EPHA6: variants seen among roughly 807,000 people sequenced by gnomAD.
EPHA6 encodes the protein ephrin type-A receptor 6.
A neutral mutation model predicts 112.0 loss-of-function variants in EPHA6; 50 were observed. The ratio of observed to expected loss-of-function variants is 0.45; its 90% confidence interval spans 0.36 to 0.56. The LOEUF is 0.56. Ranked by LOEUF, EPHA6 falls within the 20% of genes least tolerant of loss-of-function variation. EPHA6 has a pLI of 0.00. For missense variants in EPHA6, 1,280 were observed against 1,417.4 expected (o/e 0.90, Z 1.56); for synonymous variants, 529 against 490.7 (o/e 1.08, Z -1.03).
intron 3 of EPHA6, among the ~76,000 whole-genome samples, chr3:97,056,909 C>T (rs2045872211): frequency 6.6e-6 from 1 of 152,130 alleles, no homozygotes; most frequent in Non-Finnish European, 1.5e-5. Flanking sequence ...ACTGCTACTG[C>T]CACCACCACA....
At chr3:96,824,139 T>G (rs1218868875) in intron 1 of EPHA6, among the ~76,000 whole-genome samples, 1 of 150,142 alleles carries the variant, frequency 6.7e-6, no homozygotes, top group East Asian at 1.9e-4. Flanking sequence ...AGAACCTGTA[T>G]AATATTGACT....
chr3:97,249,341 A>C lies in EPHA6; in HGVS notation c.1606+5054A>C, dbSNP rs78830643. 5.5e-4 allele frequency among the ~76,000 whole-genome samples: 84 copies of C among 152,308 alleles called. 1 individual carries two copies. In the East Asian group the frequency reaches 0.016, roughly 29 times the overall value. On this transcript the variant is annotated intron_variant, in intron 5 of 17. Coordinates refer to ENST00000389672, the MANE Select transcript of EPHA6 (RefSeq NM_001080448.3). ...AGAAATGTCAAACTGGCTAATCATT[A>C]CTAAATCATGATTAGTAATGATTGC...
intron 4 of EPHA6, among the ~76,000 whole-genome samples, chr3:97,232,988 T>C (rs910747931): frequency 6.6e-6 from 1 of 152,170 alleles, no homozygotes; most frequent in African/African-American, 2.4e-5. Flanking sequence ...TCTGCAATTT[T>C]GCCTCTTATG....
chr3:97,335,330 A>G lies in EPHA6; in HGVS notation c.1607-69820A>G, dbSNP rs138337394. 2.5e-3 allele frequency among the ~76,000 whole-genome samples: 376 copies of G among 152,320 alleles called. 2 individuals carry two copies. The highest frequency in any genetic ancestry group is 3.6e-3 in the Non-Finnish European group (248 of 68,020). On this transcript the variant is annotated intron_variant, in intron 5 of 17. Transcript: ENST00000389672. ...CTGCAATACTTGCAATACATTTGGA[A>G]TAAACCTGAGATTGGACTTCTTAGC...
chr3:97,220,469 T>G (rs1311090359), intron 3 of EPHA6, among the ~76,000 whole-genome samples: 2 of 152,236 alleles, frequency 1.3e-5, no homozygotes, highest in Admixed American at 1.3e-4. Context: ...GAAAGAGGTT[T>G]AATTGACCAC....
At chr3:97,129,536 A>C (rs542638761) in intron 3 of EPHA6, among the ~76,000 whole-genome samples, 3 of 152,184 alleles carry the variant, frequency 2.0e-5, no homozygotes, top group East Asian at 3.9e-4. Flanking sequence ...AAAACAACAA[A>C]AAAAAGTACA....
intron 3 of EPHA6, among the ~76,000 whole-genome samples, chr3:97,126,643 C>G (rs2048189076): frequency 6.6e-6 from 1 of 151,538 alleles, no homozygotes; most frequent in Admixed American, 6.6e-5. Flanking sequence ...CTACTAGGTT[C>G]TTATGAATGT....
intron 3 of EPHA6, among the ~76,000 whole-genome samples, chr3:97,019,783 C>T (rs72918225): frequency 0.012 from 1,804 of 151,690 alleles, 35 homozygotes; most frequent in African/African-American, 0.04. Flanking sequence ...ACAATATATA[C>T]GTGTATATTA....
At chr3:97,037,371 G>A (rs564144876) in intron 3 of EPHA6, among the ~76,000 whole-genome samples, 6 of 152,074 alleles carry the variant, frequency 3.9e-5, no homozygotes, top group South Asian at 4.2e-4. Flanking sequence ...AGTAGATGGC[G>A]GTTTGACTGA....
chr3:97,619,759 A>G (rs1364256328), intron 13 of EPHA6, among the ~76,000 whole-genome samples: 2 of 152,132 alleles, frequency 1.3e-5, no homozygotes, highest in Admixed American at 1.3e-4. Context: ...ACTCAAAGAA[A>G]TCAGAGCTGA....
At chr3:97,078,088 A>C (rs1054657019) in intron 3 of EPHA6, among the ~76,000 whole-genome samples, 4 of 152,128 alleles carry the variant, frequency 2.6e-5, no homozygotes, top group African/African-American at 9.7e-5. Flanking sequence ...TCACCATTCT[A>C]ACTGGTGTGA....
chr3:97,220,890 C>G (rs1203902045), intron 3 of EPHA6, among the ~76,000 whole-genome samples: 2 of 152,124 alleles, frequency 1.3e-5, no homozygotes, highest in Non-Finnish European at 2.9e-5. Context: ...CTTGCAGAAA[C>G]TGTGGAGTGG....
chr3:97,633,479 C>A (rs549551850), intron 13 of EPHA6, among the ~76,000 whole-genome samples: 1 of 152,140 alleles, frequency 6.6e-6, no homozygotes, highest in South Asian at 2.1e-4. Flanking sequence ...AATCTCAGTG[C>A]TCTCACATTT....
intron 3 of EPHA6, among the ~76,000 whole-genome samples, chr3:97,056,034 T>G (rs1293054109): frequency 6.6e-6 from 1 of 151,260 alleles, no homozygotes; most frequent in African/African-American, 2.5e-5. Context: ...TAAAACTTTC[T>G]TCTGCAAAAG....
At chr3:97,490,175 G>A (rs748626267) in intron 10 of EPHA6, among the ~76,000 whole-genome samples, 57 of 152,030 alleles carry the variant, frequency 3.7e-4, no homozygotes, top group Non-Finnish European at 6.9e-4. Context: ...ATGATTTTAC[G>A]TGACTATGTT....
intron 3 of EPHA6, among the ~76,000 whole-genome samples, chr3:97,047,582 T>G (rs1030049486): frequency 2.6e-5 from 4 of 151,400 alleles, no homozygotes; most frequent in African/African-American, 9.7e-5. Context: ...GTAGTTTATA[T>G]TATGTGCCTG....
intron 3 of EPHA6, among the ~76,000 whole-genome samples, chr3:97,096,675 T>C (rs1179415731): frequency 1.3e-5 from 2 of 151,948 alleles, no homozygotes; most frequent in East Asian, 1.9e-4. Flanking sequence ...AAATCATTGG[T>C]AAACTTTTGC....
intron 6 of EPHA6, among the ~76,000 whole-genome samples, chr3:97,432,769 C>A (rs1457643093): frequency 2.0e-5 from 3 of 152,016 alleles, no homozygotes; most frequent in Non-Finnish European, 4.4e-5. Flanking sequence ...GAGAGAAGAG[C>A]CAGAAGCGAA....
At chr3:97,711,578 C>A (rs1225680293) in intron 14 of EPHA6, among the ~76,000 whole-genome samples, 1 of 151,970 alleles carries the variant, frequency 6.6e-6, no homozygotes, top group African/African-American at 2.4e-5. Flanking sequence ...TTGTATAGGT[C>A]CCAAAGTCCA....
Sources: allele counts gnomAD v4.1 joint callset (sites outside exome capture counted in the v4.1 genomes callset), GRCh38; gene constraint gnomAD v4.1.1; transcripts MANE v1.5; gene names NCBI Gene and HGNC (gene_info 2026-07-23, HGNC 2026-07-21).